POTEC: variants seen among roughly 807,000 people sequenced by gnomAD.
The protein encoded by POTEC is POTE ankyrin domain family member C, also known as ANKRD26-like family B member 2.
POTEC carries 35 observed loss-of-function variants against 62.0 expected under a neutral mutation model. That is an observed-to-expected ratio of 0.56 (90% confidence interval 0.43 to 0.75). The LOEUF (loss-of-function observed/expected upper bound fraction) is 0.75, where lower values mean the gene tolerates loss of function less well. Among genes scored for constraint, POTEC ranks in the 30% least tolerant of loss-of-function variants. The pLI, the probability that POTEC is intolerant of heterozygous loss-of-function variation, is 0.00. For missense variants in POTEC, 472 were observed against 655.9 expected, an observed-to-expected ratio of 0.72 and a Z score of 3.06; for synonymous variants, 156 against 221.5, an observed-to-expected ratio of 0.70 and a Z score of 2.62.
intron 6 of POTEC, chr18:14,528,975 A>C: frequency 2.2e-6 from 1 of 454,368 alleles, no homozygotes; most frequent in South Asian, 1.6e-5. Context: ...ACCTCATTAG[A>C]TGTTCTTCTG....
rs1377091099 is a variant in POTEC, at chr18:14,537,859, T to C, written c.752A>G (p.Asp251Gly). ...GAGCAGTGCTTTGGCCATTAATTTA[T>C]CTTCATTGTGGACAGCATAGTGTAG... is the stretch of plus-strand genomic sequence containing the variant. ...TTLHYAVHNE[D>G]KLMAKALLLY... Residue 251 changes from aspartate (D) to glycine (G), a missense_variant, in exon 3 of 11, where the codon GAT (aspartate) becomes GGT (glycine). Physicochemically the swap from Asp to Gly is moderately conservative, Grantham distance 94. Around this residue, in one of 5 missense-constraint regions of POTEC, gnomAD observed 52 missense variants for 54.2 expected, o/e 0.96. Transcript: ENST00000358970. 1.9e-6 allele frequency: 3 copies of C among 1,612,130 alleles called. No individual in the cohort carries two copies. The Admixed American group carries it at 5.0e-5, about 27-fold the overall frequency.
chr18:14,522,153 C>G (rs1910327969), intron 9 of POTEC, 101 bp downstream of exon 9: 1 of 1,529,738 alleles, frequency 6.5e-7, no homozygotes, highest in Non-Finnish European at 8.8e-7. Context: ...GCTGAATATT[C>G]TAGTAAAAGT....
rs1438404207 is a variant in POTEC, at chr18:14,508,066, A to G, written c.*3832T>C. ...CTTGGGGATGATCTTCTCATGGCATATCTTACTGAGGTTCTCTGGATTTCC... is the reference window on the plus strand; with the variant it reads ...CTTGGGGATGATCTTCTCATGGCATGTCTTACTGAGGTTCTCTGGATTTCC... On this transcript the variant is annotated 3_prime_UTR_variant, in exon 11 of 11. Transcript: ENST00000358970. 1.3e-5 allele frequency: 2 copies of G among 152,136 alleles called. No homozygotes were observed. Among genetic ancestry groups the G allele is most frequent in the Non-Finnish European group, 2.9e-5 (2 of 68,022 alleles). The allele number at this position is 152,136 out of a possible 1,614,324, so 9.4% of individuals were successfully genotyped here.
In POTEC at chr18:14,508,065, T is replaced by C. The variant is rs887624758; in HGVS notation, c.*3833A>G. 7.2e-5 allele frequency: 11 copies of C among 152,330 alleles called. No homozygotes were observed. In the South Asian group the frequency reaches 1.4e-3, roughly 20 times the overall value. The allele number at this position is 152,330 out of a possible 1,614,324, so 9.4% of individuals were successfully genotyped here. A position where few individuals can be genotyped will look rare whatever the true frequency, so the allele number is the denominator to read the frequency against. On this transcript the variant is annotated 3_prime_UTR_variant, in exon 11 of 11. Transcript: ENST00000358970. ...TCTTGGGGATGATCTTCTCATGGCA[T>C]ATCTTACTGAGGTTCTCTGGATTTC...
chr18:14,521,350 T>G (rs971234911), intron 9 of POTEC, among the ~76,000 whole-genome samples: 2 of 152,214 alleles, frequency 1.3e-5, no homozygotes, highest in Non-Finnish European at 2.9e-5. Flanking sequence ...AAATACATTT[T>G]AATTGTGAAA....
chr18:14,528,312 C>T (rs1334092481), intron 6 of POTEC, among the ~76,000 whole-genome samples: 2 of 152,274 alleles, frequency 1.3e-5, no homozygotes, highest in African/African-American at 4.8e-5. Flanking sequence ...ATTCCTTATT[C>T]TTTCTTGCAG....
At position 14,543,356 on chromosome 18, in the gene POTEC, G is replaced by A. The variant is rs1017715642; in HGVS notation, c.-210C>T. On this transcript the variant is annotated 5_prime_UTR_variant, in exon 1 of 11. Coordinates refer to ENST00000358970, the MANE Select transcript of POTEC (RefSeq NM_001137671.2). ...CCGGGGAAAGCCCACGCCCACCAGG[G>A]GGACCCAACGCCCACCCCAGGAAAG... is the stretch of plus-strand genomic sequence containing the variant. The A allele has an allele frequency of 8.3e-5, 69 of 835,800 alleles. No homozygotes were observed. Among genetic ancestry groups the A allele is most frequent in the East Asian group, 2.2e-4 (8 of 36,704 alleles). 51.8% of individuals were successfully genotyped at this position (835,800 alleles called of 1,614,324 possible). A position where few individuals can be genotyped will look rare whatever the true frequency, so the allele number is the denominator to read the frequency against.
chr18:14,534,317 C>T (rs1306352905), intron 4 of POTEC, among the ~76,000 whole-genome samples: 1 of 151,298 alleles, frequency 6.6e-6, no homozygotes, highest in Non-Finnish European at 1.5e-5. Context: ...CTCTCCATAC[C>T]AACTAAAAAT....
In POTEC at chr18:14,507,917, G is replaced by T. The variant is rs1448980423; in HGVS notation, c.*3981C>A. ...TTGAATGTCTTTTCTGGCTTGTACAGTTTCAGTTGAGAGGTCTGCTAAGTC... is the reference window on the plus strand; with the variant it reads ...TTGAATGTCTTTTCTGGCTTGTACATTTTCAGTTGAGAGGTCTGCTAAGTC... On this transcript the variant is annotated 3_prime_UTR_variant, in exon 11 of 11. Transcript: ENST00000358970. 6.6e-6 allele frequency: 1 copy of T among 152,200 alleles called. No individual in the cohort carries two copies. Among genetic ancestry groups the T allele is most frequent in the Non-Finnish European group, 1.5e-5 (1 of 68,044 alleles). The allele number at this position is 152,200 out of a possible 1,614,324, so 9.4% of individuals were successfully genotyped here. A position where few individuals can be genotyped will look rare whatever the true frequency, so the allele number is the denominator to read the frequency against.
intron 9 of POTEC, among the ~76,000 whole-genome samples, chr18:14,519,126 G>C (rs1017856996): frequency 6.6e-6 from 1 of 152,128 alleles, no homozygotes; most frequent in Non-Finnish European, 1.5e-5. Context: ...AAGATTTACT[G>C]AGAGATTAGA....
rs541742779 is a variant in POTEC at position 14,537,009 on chromosome 18, C to G, written c.810+792G>C. On this transcript the variant is annotated intron_variant, in intron 3 of 10. Coordinates refer to ENST00000358970, the MANE Select transcript of POTEC (RefSeq NM_001137671.2). ...TACTCAAGGGTTTCCCACTACATTA[C>G]CACATATTCACTGCCAATCTGGTTC... Among the ~76,000 whole-genome samples, 27 of 151,750 alleles carry G rather than the reference C, an allele frequency of 1.8e-4. No individual in the cohort carries two copies. In the East Asian group the frequency reaches 5.2e-3, roughly 29 times the overall value.
At chr18:14,517,985 T>TA (rs972377116) in intron 9 of POTEC, among the ~76,000 whole-genome samples, 79 of 152,094 alleles carry the variant, frequency 5.2e-4, no homozygotes, top group African/African-American at 1.9e-3. Flanking sequence ...TCTCTCTAAA[T>TA]AAAAAAATTA....
At chr18:14,522,152 T>A (rs765237364) in intron 9 of POTEC, 102 bp downstream of exon 9, 8 of 1,527,418 alleles carry the variant, frequency 5.2e-6, no homozygotes, top group South Asian at 3.9e-5. Flanking sequence ...GGCTGAATAT[T>A]CTAGTAAAAG....
chr18:14,542,923 C>T lies in POTEC; in HGVS notation c.224G>A (p.Ser75Asn), dbSNP rs1161229303. The T allele has an allele frequency of 2.6e-6, 4 of 1,524,978 alleles. No homozygotes were observed. Among genetic ancestry groups the T allele is most frequent in the East Asian group, 2.5e-5 (1 of 39,226 alleles). The allele number at this position is 1,524,978 out of a possible 1,614,324, so 94.5% of individuals were successfully genotyped here. A position where few individuals can be genotyped will look rare whatever the true frequency, so the allele number is the denominator to read the frequency against. The change falls in exon 1 of 11, where the codon AGC becomes AAC. Residue 75 changes from serine (S) to asparagine (N), a missense_variant. Ser to Asn is a conservative substitution (Grantham distance 46). Around this residue, in one of 5 missense-constraint regions of POTEC, gnomAD observed 257 missense variants for 250.7 expected, o/e 1.03. Transcript: ENST00000358970. ...AGAAGTGCCCACGTTGCTCGTGCCGCTCCCCCTGCAGCAGGGGAAGCAGTG... is the reference window on the plus strand; with the variant it reads ...AGAAGTGCCCACGTTGCTCGTGCCGTTCCCCCTGCAGCAGGGGAAGCAGTG... ...CHHCFPCCRG[S>N]GTSNVGTSGD...
At chr18:14,535,619 C>T (rs2143158486) in intron 3 of POTEC, among the ~76,000 whole-genome samples, 1 of 151,644 alleles carries the variant, frequency 6.6e-6, no homozygotes, top group East Asian at 2.0e-4. Context: ...TTCTTAATAA[C>T]TCCATGGTTT....
chr18:14,525,825 T>G (rs531719414), intron 6 of POTEC, among the ~76,000 whole-genome samples: 1 of 152,272 alleles, frequency 6.6e-6, no homozygotes, highest in South Asian at 2.1e-4. Flanking sequence ...ACTGACACCT[T>G]TGTTAGTGTA....
At chr18:14,540,059 T>C (rs1905880439) in intron 1 of POTEC, among the ~76,000 whole-genome samples, 1 of 149,668 alleles carries the variant, frequency 6.7e-6, no homozygotes, top group Non-Finnish European at 1.5e-5. Flanking sequence ...TTTGCTATTT[T>C]AGTTTTCATA....
At chr18:14,534,193 C>T (rs1417960904) in intron 4 of POTEC, among the ~76,000 whole-genome samples, 12 of 148,396 alleles carry the variant, frequency 8.1e-5, no homozygotes, top group African/African-American at 2.5e-5. Context: ...TTTGTTCTTG[C>T]GATAGTTTAC....
chr18:14,542,492 C>CT (rs1480460604), intron 1 of POTEC, 134 bp downstream of exon 1: 2 of 1,418,882 alleles, frequency 1.4e-6, no homozygotes, highest in Non-Finnish European at 1.9e-6. Flanking sequence ...CCTGACCTCT[C>CT]TGAGGTTTCC....
Sources: allele counts gnomAD v4.1 joint callset (sites outside exome capture counted in the v4.1 genomes callset), GRCh38; gene constraint gnomAD v4.1.1; regional missense constraint gnomAD v4.1.1; transcripts MANE v1.5; gene names NCBI Gene and HGNC (gene_info 2026-07-23, HGNC 2026-07-21).